Variants in KCNT2 observed in about 807,000 individuals in gnomAD.
KCNT2 encodes the protein potassium sodium-activated channel subfamily T member 2.
In KCNT2, 67 loss-of-function variants were observed where a neutral mutation model predicts 153.8. The observed-to-expected ratio is 0.44, with a 90% CI of 0.36 to 0.53. The LOEUF (loss-of-function observed/expected upper bound fraction) is 0.53. Among genes scored for constraint, KCNT2 ranks in the 20% least tolerant of loss-of-function variants. The pLI, the probability that KCNT2 is intolerant of heterozygous loss-of-function variation, is 0.00. For missense variants in KCNT2, 975 were observed against 1,354.8 expected, an observed-to-expected ratio of 0.72 and a Z score of 4.40; for synonymous variants, 500 against 458.8, an observed-to-expected ratio of 1.09 and a Z score of -1.15.
chr1:196,551,794 A>G (rs1657941856), intron 1 of KCNT2, among the ~76,000 whole-genome samples: 1 of 151,630 alleles, frequency 6.6e-6, no homozygotes, highest in Non-Finnish European at 1.5e-5. Flanking sequence ...ATTCACTTAC[A>G]GAATATCCAC....
At chr1:196,549,459 T>G (rs897361174) in intron 1 of KCNT2, among the ~76,000 whole-genome samples, 1 of 151,954 alleles carries the variant, frequency 6.6e-6, no homozygotes, top group African/African-American at 2.4e-5. Flanking sequence ...TTTTTTCATG[T>G]ATGTGACACT....
chr1:196,554,006 A>C (rs1373340953), intron 1 of KCNT2, among the ~76,000 whole-genome samples: 1 of 151,178 alleles, frequency 6.6e-6, no homozygotes, highest in Non-Finnish European at 1.5e-5. Flanking sequence ...TTATAGTTTT[A>C]AGTGCCTACT....
intron 16 of KCNT2, among the ~76,000 whole-genome samples, chr1:196,334,550 C>T (rs1372546061): frequency 7.2e-6 from 1 of 139,548 alleles, no homozygotes; most frequent in East Asian, 2.2e-4. Flanking sequence ...TCTCGGCTCA[C>T]TGCAAACTCC....
At chr1:196,411,083 T>A (rs866995047) in intron 12 of KCNT2, among the ~76,000 whole-genome samples, 1 of 50,976 alleles carries the variant, frequency 2.0e-5, no homozygotes. Flanking sequence ...CCTTCCTTCC[T>A]TCCTTCCTTC....
At chr1:196,484,894 C>A (rs185294087) in intron 3 of KCNT2, among the ~76,000 whole-genome samples, 2 of 152,038 alleles carry the variant, frequency 1.3e-5, no homozygotes, top group African/African-American at 4.8e-5. Context: ...TACGGCGATT[C>A]CTCAAGGAGC....
chr1:196,535,942 G>A (rs1015044239), intron 1 of KCNT2, among the ~76,000 whole-genome samples: 11 of 152,164 alleles, frequency 7.2e-5, no homozygotes, highest in Admixed American at 3.3e-4. Context: ...TCAGAAAGCC[G>A]CCTTGGCCTG....
At chr1:196,312,699 G>A (rs941151994) in intron 21 of KCNT2, among the ~76,000 whole-genome samples, 1 of 151,646 alleles carries the variant, frequency 6.6e-6, no homozygotes, top group Non-Finnish European at 1.5e-5. Context: ...ACTAATCAAC[G>A]AATTAGAAAT....
intron 14 of KCNT2, among the ~76,000 whole-genome samples, chr1:196,352,445 T>C (rs1666799691): frequency 6.6e-6 from 1 of 152,078 alleles, no homozygotes; most frequent in Non-Finnish European, 1.5e-5. Context: ...AGAGTGTATG[T>C]GTCAAGGAAT....
At chr1:196,485,398 T>A (rs1679340958) in intron 3 of KCNT2, among the ~76,000 whole-genome samples, 1 of 152,000 alleles carries the variant, frequency 6.6e-6, no homozygotes, top group South Asian at 2.1e-4. Context: ...ATTAATACTT[T>A]CCTAAAGGGT....
In KCNT2 at chr1:196,447,972, T is replaced by C. The variant is rs570752221; in HGVS notation, c.638+17321A>G. Among the ~76,000 whole-genome samples, 45 of 151,570 alleles carry C rather than the reference T, an allele frequency of 3.0e-4. No homozygotes were observed. In the Middle Eastern group the frequency reaches 0.014, roughly 46 times the overall value. ...GAGAATGATATTAGGAAAAGTTAAA[T>C]GAAAGTGTAAATTATTCTTCCACTG... On this transcript the variant is annotated intron_variant, in intron 8 of 27. Transcript: ENST00000294725.
chr1:196,227,266 A>G lies in KCNT2; in HGVS notation c.*958T>C, dbSNP rs1653559349. ...TTTGAAGTGTCTTCAGAGTCCATAA[A>G]AGGTATAAATTATCTTCTGTCAATT... On this transcript the variant is annotated 3_prime_UTR_variant, in exon 28 of 28. Coordinates refer to ENST00000294725, the MANE Select transcript of KCNT2 (RefSeq NM_198503.5). The G allele has an allele frequency of 6.6e-6, 1 of 152,016 alleles. No homozygotes were observed. Among genetic ancestry groups the G allele is most frequent in the Non-Finnish European group, 1.5e-5 (1 of 67,878 alleles). 9.4% of individuals were successfully genotyped at this position (152,016 alleles called of 1,614,324 possible).
Position 196,480,293 on chromosome 1 carries a change from T to A in KCNT2, c.325-1055A>T, listed in dbSNP as rs559383156. 2.6e-5 allele frequency among the ~76,000 whole-genome samples: 4 copies of A among 152,284 alleles called. No individual in the cohort carries two copies. The Middle Eastern group carries it at 0.01, about 391-fold the overall frequency. On this transcript the variant is annotated intron_variant, in intron 4 of 27. Coordinates refer to ENST00000294725, the MANE Select transcript of KCNT2 (RefSeq NM_198503.5). ...CGGCAGATACCCTGGAGATTACATT[T>A]TTTCTTCTGTTGGGATAAAAATCTT...
intron 1 of KCNT2, among the ~76,000 whole-genome samples, chr1:196,602,847 C>A (rs1018049433): frequency 2.4e-5 from 3 of 126,818 alleles, no homozygotes; most frequent in South Asian, 5.0e-4. Context: ...ACTGCAGTGG[C>A]GCAATCTCGG....
chr1:196,438,536 A>G lies in KCNT2; in HGVS notation c.639-8779T>C, dbSNP rs567610007. Among the ~76,000 whole-genome samples, 30 of 152,012 alleles carry G rather than the reference A, an allele frequency of 2.0e-4. No individual in the cohort carries two copies. In the South Asian group the frequency reaches 5.0e-3, roughly 25 times the overall value. ...CAAAGTAAACCCATAATCTTTAACT[A>G]TTTGCAAAGAATAGTCATGTTGAGA... is the stretch of plus-strand genomic sequence containing the variant. On this transcript the variant is annotated intron_variant, in intron 8 of 27. Transcript: ENST00000294725.
chr1:196,409,292 A>G (rs145139964), intron 12 of KCNT2, among the ~76,000 whole-genome samples: 18 of 151,360 alleles, frequency 1.2e-4, no homozygotes, highest in Non-Finnish European at 1.5e-4. Context: ...AAATATATTT[A>G]TTGTTCCATT....
At chr1:196,461,375 A>C (rs1451361098) in intron 8 of KCNT2, among the ~76,000 whole-genome samples, 1 of 151,774 alleles carries the variant, frequency 6.6e-6, no homozygotes, top group Non-Finnish European at 1.5e-5. Context: ...CATTGAACTA[A>C]AACAGGAAAT....
At chr1:196,286,780 C>A (rs1048378399) in intron 22 of KCNT2, among the ~76,000 whole-genome samples, 2 of 151,806 alleles carry the variant, frequency 1.3e-5, no homozygotes, top group South Asian at 4.2e-4. Flanking sequence ...GGTAAGAGAG[C>A]AAATGTCAAA....
chr1:196,475,982 C>T (rs921408328), intron 5 of KCNT2, among the ~76,000 whole-genome samples: 2 of 152,140 alleles, frequency 1.3e-5, no homozygotes, highest in African/African-American at 4.8e-5. Flanking sequence ...CAATTTTCTG[C>T]TCTAATTTTA....
At chr1:196,345,656 A>G (rs73065837) in intron 14 of KCNT2, among the ~76,000 whole-genome samples, 33,853 of 152,054 alleles carry the variant, frequency 0.22, 5,391 homozygotes, top group African/African-American at 0.46. Context: ...ATTGAAGAAG[A>G]GACAATGACC....
Sources: gnomAD v4.1 joint callset for allele counts (sites outside exome capture counted in the v4.1 genomes callset) on GRCh38, gnomAD v4.1.1 for gene constraint, MANE v1.5 for transcripts, NCBI Gene and HGNC (gene_info 2026-07-23, HGNC 2026-07-21) for gene names.